The following MEI4 variants were observed in gnomAD, a reference collection of about 807,000 sequenced individuals.
The protein encoded by MEI4 is meiosis-specific protein MEI4.
Under a neutral mutation model 31.4 loss-of-function variants are expected in MEI4, and 27 were observed. The observed-to-expected ratio is 0.86, with a 90% CI of 0.63 to 1.19. The LOEUF is 1.19. Among genes scored for constraint, MEI4 ranks in the 50% most tolerant of loss-of-function variants. The pLI, the probability that MEI4 is intolerant of heterozygous loss-of-function variation, is 0.00. For missense variants in MEI4, 329 were observed against 398.9 expected, an observed-to-expected ratio of 0.82 and a Z score of 1.49; for synonymous variants, 122 against 145.4, an observed-to-expected ratio of 0.84 and a Z score of 1.16.
At chr6:77,692,613 G>A (rs1204183742) in intron 2 of MEI4, among the ~76,000 whole-genome samples, 1 of 152,034 alleles carries the variant, frequency 6.6e-6, no homozygotes, top group Non-Finnish European at 1.5e-5. Context: ...TAAATTCAGA[G>A]TAGACACTTT....
At chr6:77,751,216 C>G (rs1056029758) in intron 2 of MEI4, among the ~76,000 whole-genome samples, 2 of 151,652 alleles carry the variant, frequency 1.3e-5, no homozygotes, top group African/African-American at 2.4e-5. Context: ...AACTGAGAAA[C>G]AAGAGCAAAC....
intron 3 of MEI4, among the ~76,000 whole-genome samples, chr6:77,764,243 C>A (rs1239021813): frequency 2.0e-5 from 3 of 152,100 alleles, no homozygotes; most frequent in Admixed American, 2.0e-4. Context: ...ATAAGTCATC[C>A]AGATTGTTGG....
chr6:77,826,789 T>G (rs1769961994), intron 3 of MEI4, among the ~76,000 whole-genome samples: 1 of 152,184 alleles, frequency 6.6e-6, no homozygotes, highest in African/African-American at 2.4e-5. Context: ...AACAGCACTG[T>G]GTAATTGGAA....
At chr6:77,797,580 C>T (rs1205170232) in intron 3 of MEI4, among the ~76,000 whole-genome samples, 1 of 151,928 alleles carries the variant, frequency 6.6e-6, no homozygotes, top group Admixed American at 6.6e-5. Flanking sequence ...AGTCAAAGGC[C>T]CGAGATCCCC....
chr6:77,906,837 G>C (rs2127737064), intron 4 of MEI4, among the ~76,000 whole-genome samples: 1 of 152,252 alleles, frequency 6.6e-6, no homozygotes, highest in Middle Eastern at 3.4e-3. Context: ...AGAAAGAGAG[G>C]ACAGGCAGGC....
intron 2 of MEI4, among the ~76,000 whole-genome samples, chr6:77,694,742 T>C (rs1765971097): frequency 6.6e-6 from 1 of 152,068 alleles, no homozygotes; most frequent in South Asian, 2.1e-4. Flanking sequence ...TGTGTCTTTA[T>C]AGCAGCATGA....
chr6:77,735,194 G>A (rs1422255822), intron 2 of MEI4, among the ~76,000 whole-genome samples: 1 of 151,564 alleles, frequency 6.6e-6, no homozygotes, highest in African/African-American at 2.4e-5. Flanking sequence ...TTGCTAGATT[G>A]GGGAAGTTCT....
At chr6:77,750,032 G>A (rs181239129) in intron 2 of MEI4, among the ~76,000 whole-genome samples, 2 of 152,296 alleles carry the variant, frequency 1.3e-5, no homozygotes, top group South Asian at 2.1e-4. Context: ...CTTCATAAGC[G>A]AAGGAGAAAT....
intron 3 of MEI4, among the ~76,000 whole-genome samples, chr6:77,793,567 TATA>T (rs2127697101): frequency 6.6e-6 from 1 of 150,416 alleles, no homozygotes; most frequent in East Asian, 1.9e-4. Context: ...AATTGTCAAA[TATA>T]ATTATAGCTG....
intron 4 of MEI4, among the ~76,000 whole-genome samples, chr6:77,918,268 T>C (rs1275005993): frequency 6.6e-6 from 1 of 150,998 alleles, no homozygotes; most frequent in African/African-American, 2.4e-5. Context: ...TTTGGTTCCA[T>C]ATGAACTTTA....
chr6:77,787,571 T>G (rs186352628), intron 3 of MEI4, among the ~76,000 whole-genome samples: 10 of 152,228 alleles, frequency 6.6e-5, no homozygotes, highest in Admixed American at 5.9e-4. Context: ...TTTATTGGCA[T>G]AAATCAGTCT....
upstream of MEI4, among the ~76,000 whole-genome samples, chr6:77,651,724 C>G (rs1768304204): frequency 6.6e-6 from 1 of 152,112 alleles, no homozygotes; most frequent in African/African-American, 2.4e-5. Context: ...AAATAAAGAG[C>G]ATGTGTAATT....
chr6:77,898,943 A>G (rs1766136325), intron 4 of MEI4, among the ~76,000 whole-genome samples: 1 of 152,018 alleles, frequency 6.6e-6, no homozygotes, highest in Non-Finnish European at 1.5e-5. Flanking sequence ...CAGAAATGGA[A>G]GAAGGGAACT....
intron 2 of MEI4, 80 bp downstream of exon 2, chr6:77,690,983 C>A: frequency 1.3e-6 from 1 of 755,896 alleles, no homozygotes; most frequent in Non-Finnish European, 1.8e-6. Context: ...AATGTATTCC[C>A]AAAACATGAA....
intron 2 of MEI4, among the ~76,000 whole-genome samples, chr6:77,757,704 G>GT (rs1193040092): frequency 2.0e-5 from 3 of 152,110 alleles, no homozygotes; most frequent in African/African-American, 4.8e-5. Context: ...CAATTGTTCT[G>GT]TTTTTTAAAT....
intron 4 of MEI4, among the ~76,000 whole-genome samples, chr6:77,855,789 T>G (rs1490415565): frequency 6.6e-6 from 1 of 152,182 alleles, no homozygotes; most frequent in African/African-American, 2.4e-5. Flanking sequence ...GAATTTAAAA[T>G]ATGTACTATG....
chr6:77,896,065 T>C (rs1766077072), intron 4 of MEI4, among the ~76,000 whole-genome samples: 1 of 152,130 alleles, frequency 6.6e-6, no homozygotes, highest in Non-Finnish European at 1.5e-5. Flanking sequence ...TAGGGAAAGT[T>C]TCCTATAAGT....
At chr6:77,909,904 A>G (rs1766391970) in intron 4 of MEI4, among the ~76,000 whole-genome samples, 1 of 152,218 alleles carries the variant, frequency 6.6e-6, no homozygotes, top group South Asian at 2.1e-4. Flanking sequence ...CTGGTTCAAC[A>G]TATGCAAATC....
At chr6:77,844,057 G>T (rs1770423284) in intron 4 of MEI4, among the ~76,000 whole-genome samples, 1 of 151,968 alleles carries the variant, frequency 6.6e-6, no homozygotes, top group Non-Finnish European at 1.5e-5. Context: ...TCTTTACAGG[G>T]CAATCAATCC....
Sources: gnomAD v4.1 joint callset for allele counts (sites outside exome capture counted in the v4.1 genomes callset) on GRCh38, gnomAD v4.1.1 for gene constraint, MANE v1.5 for transcripts, NCBI Gene and HGNC (gene_info 2026-07-23, HGNC 2026-07-21) for gene names.